Variants in CORIN observed in about 807,000 individuals in gnomAD.
CORIN encodes the protein corin, serine peptidase, also known as atrial natriuretic peptide-converting enzyme.
In CORIN, 117 loss-of-function variants were observed where a neutral mutation model predicts 125.3. That is an observed-to-expected ratio of 0.93 (90% CI 0.80 to 1.09). The LOEUF is 1.09. Among genes scored for constraint, CORIN ranks in the 50% least tolerant of loss-of-function variants. The probability of loss-of-function intolerance (pLI) is 0.00; values close to 1 mark genes in which losing one functional copy is unlikely to be tolerated. For synonymous variants in CORIN, 450 were observed against 466.4 expected (o/e 0.96, Z 0.45); for missense variants, 1,253 against 1,306.7 (o/e 0.96, Z 0.63).
At chr4:47,705,636 T>C (rs1048956313) in intron 5 of CORIN, among the ~76,000 whole-genome samples, 5 of 152,210 alleles carry the variant, frequency 3.3e-5, no homozygotes, top group Admixed American at 1.3e-4. Context: ...GGTTGATTTT[T>C]GTTAAAATAA....
At chr4:47,832,523 C>T (rs1329744151) in intron 1 of CORIN, among the ~76,000 whole-genome samples, 1 of 148,000 alleles carries the variant, frequency 6.8e-6, no homozygotes, top group Non-Finnish European at 1.5e-5. Flanking sequence ...CGGCTCACTG[C>T]AGCCTCTGCC....
chr4:47,631,482 C>T (rs1722803859), intron 16 of CORIN, among the ~76,000 whole-genome samples: 1 of 151,774 alleles, frequency 6.6e-6, no homozygotes, highest in South Asian at 2.1e-4. Context: ...GCCTGATGAT[C>T]TGTCACTGTC....
chr4:47,674,167 T>C (rs1055488771), intron 10 of CORIN, among the ~76,000 whole-genome samples: 7 of 152,222 alleles, frequency 4.6e-5, no homozygotes, highest in African/African-American at 1.7e-4. Context: ...TATTAAGCAA[T>C]GTGGACTTAT....
intron 3 of CORIN, among the ~76,000 whole-genome samples, chr4:47,774,375 T>C (rs1303250604): frequency 6.6e-6 from 1 of 152,208 alleles, no homozygotes; most frequent in Non-Finnish European, 1.5e-5. Context: ...GTTTAGTTCA[T>C]ATTATTAAAC....
At chr4:47,782,011 A>G (rs777819654) in intron 3 of CORIN, among the ~76,000 whole-genome samples, 2 of 152,172 alleles carry the variant, frequency 1.3e-5, no homozygotes, top group Admixed American at 6.5e-5. Context: ...AAGGTTCAAT[A>G]TAAAAAGAAG....
chr4:47,666,456 C>G (rs943158057), intron 10 of CORIN, among the ~76,000 whole-genome samples: 2 of 152,136 alleles, frequency 1.3e-5, no homozygotes, highest in African/African-American at 4.8e-5. Flanking sequence ...ACTCCACAAT[C>G]TCGATAGGAA....
intron 19 of CORIN, among the ~76,000 whole-genome samples, chr4:47,621,174 G>A (rs1265627864): frequency 6.6e-6 from 1 of 152,088 alleles, no homozygotes; most frequent in East Asian, 1.9e-4. Context: ...AATTAGGTGG[G>A]GCCTGTGACT....
chr4:47,799,179 A>G (rs976843999), intron 2 of CORIN, among the ~76,000 whole-genome samples: 4 of 149,766 alleles, frequency 2.7e-5, no homozygotes, highest in Non-Finnish European at 5.9e-5. Context: ...CCAATCTACC[A>G]CTGATGGACA....
intron 1 of CORIN, among the ~76,000 whole-genome samples, chr4:47,808,093 C>T (rs1180930022): frequency 6.6e-6 from 1 of 152,102 alleles, no homozygotes; most frequent in Non-Finnish European, 1.5e-5. Context: ...AAAATTAAGA[C>T]GAACCTTCTC....
At chr4:47,733,150 AAAG>A (rs71199999) in intron 5 of CORIN, among the ~76,000 whole-genome samples, 14,862 of 152,234 alleles carry the variant, frequency 0.098, 848 homozygotes, top group East Asian at 0.27. Context: ...TCTCTCAAAT[AAAG>A]AAGTTATCTG....
intron 5 of CORIN, among the ~76,000 whole-genome samples, chr4:47,714,342 T>G (rs1726993380): frequency 6.6e-6 from 1 of 152,194 alleles, no homozygotes; most frequent in African/African-American, 2.4e-5. Flanking sequence ...AAAATCTACT[T>G]TAGATTATTT....
rs534325816 is a variant in CORIN at position 47,761,411 on chromosome 4, G to A, written c.617+1968C>T. Reference sequence around the variant, plus strand: ...GCCCCAGGCGAGGGAGAGAGACAATGGAACAATAGTCAATATATGGAATCA... The same window carrying A: ...GCCCCAGGCGAGGGAGAGAGACAATAGAACAATAGTCAATATATGGAATCA... On this transcript the variant is annotated intron_variant, in intron 4 of 21. Transcript: ENST00000273857. Among the ~76,000 whole-genome samples the A allele has an allele frequency of 3.3e-5, 5 of 151,170 alleles. No individual in the cohort carries two copies. The East Asian group carries it at 9.8e-4, about 29-fold the overall frequency.
rs150020493 is a variant in CORIN, at chr4:47,812,460, G to A, written c.64-5413C>T. Among the ~76,000 whole-genome samples, 291 of 152,206 alleles carry A rather than the reference G, an allele frequency of 1.9e-3. 1 individual carries two copies. Among genetic ancestry groups the A allele is most frequent in the African/African-American group, 6.1e-3 (253 of 41,534 alleles). ...ACTGAGGTTGCAGTGAGCCAAGATCGTACCACTGCACTGCAGCCTGGGAGA... is the reference window on the plus strand; with the variant it reads ...ACTGAGGTTGCAGTGAGCCAAGATCATACCACTGCACTGCAGCCTGGGAGA... On this transcript the variant is annotated intron_variant, in intron 1 of 21. Transcript: ENST00000273857.
At chr4:47,654,549 T>C (rs1201215741) in intron 12 of CORIN, among the ~76,000 whole-genome samples, 1 of 152,182 alleles carries the variant, frequency 6.6e-6, no homozygotes, top group African/African-American at 2.4e-5. Context: ...TGGAACTCAG[T>C]GCTGTCCTAT....
At chr4:47,606,564 AT>A (rs1468847783) in intron 19 of CORIN, among the ~76,000 whole-genome samples, 1 of 151,978 alleles carries the variant, frequency 6.6e-6, no homozygotes, top group Non-Finnish European at 1.5e-5. Flanking sequence ...CAGAAGAATT[AT>A]TTTTCATTAC....
At chr4:47,668,469 T>G (rs1386500609) in intron 10 of CORIN, among the ~76,000 whole-genome samples, 1 of 152,244 alleles carries the variant, frequency 6.6e-6, no homozygotes, top group Admixed American at 6.5e-5. Context: ...AATTTGCTTT[T>G]GTTGCTTATT....
chr4:47,630,862 G>A (rs1048601674), intron 16 of CORIN, among the ~76,000 whole-genome samples: 1 of 152,070 alleles, frequency 6.6e-6, no homozygotes, highest in Non-Finnish European at 1.5e-5. Context: ...TCTCAGATGG[G>A]ACCCAAAATC....
chr4:47,675,859 T>C (rs1227008971), intron 9 of CORIN, among the ~76,000 whole-genome samples: 1 of 152,156 alleles, frequency 6.6e-6, no homozygotes, highest in Non-Finnish European at 1.5e-5. Flanking sequence ...AGGCATGTGC[T>C]ACCACGCCCA....
chr4:47,682,622 A>G (rs1321072782), intron 7 of CORIN: 1 of 152,178 alleles, frequency 6.6e-6, no homozygotes, highest in African/African-American at 2.4e-5. Context: ...TGTTCCTAAT[A>G]CAAAGAAATG....
Sources: allele counts gnomAD v4.1 joint callset (sites outside exome capture counted in the v4.1 genomes callset), GRCh38; gene constraint gnomAD v4.1.1; transcripts MANE v1.5; gene names NCBI Gene and HGNC (gene_info 2026-07-23, HGNC 2026-07-21).